The following WWOX variants were observed in gnomAD, a reference collection of about 807,000 sequenced individuals.
The protein encoded by WWOX is WW domain containing oxidoreductase.
WWOX carries 69 observed loss-of-function variants against 46.2 expected under a neutral mutation model. The observed-to-expected ratio is 1.49, with a 90% CI of 1.23 to 1.82. The LOEUF is 1.82. Ranked by LOEUF, WWOX falls within the 40% of genes most tolerant of loss-of-function variation. The probability of loss-of-function intolerance (pLI) is 0.00; values close to 1 mark genes in which losing one functional copy is unlikely to be tolerated. For missense variants in WWOX, 919 were observed against 542.6 expected (o/e 1.69, Z -6.89); for synonymous variants, 359 against 202.6 (o/e 1.77, Z -6.56).
chr16:78,466,663 C>T (rs1490353264), intron 8 of WWOX, among the ~76,000 whole-genome samples: 3 of 152,058 alleles, frequency 2.0e-5, no homozygotes, highest in Non-Finnish European at 4.4e-5. Flanking sequence ...AACCCTGTCT[C>T]TACTATAAAC....
At chr16:78,558,207 T>C (rs1441822600) in intron 8 of WWOX, among the ~76,000 whole-genome samples, 1 of 152,168 alleles carries the variant, frequency 6.6e-6, no homozygotes, top group African/African-American at 2.4e-5. Context: ...TTCAGTGTTT[T>C]TGCCCTTCCG....
chr16:78,935,609 G>A (rs1427946744), intron 8 of WWOX, among the ~76,000 whole-genome samples: 1 of 143,834 alleles, frequency 7.0e-6, no homozygotes, highest in African/African-American at 2.6e-5. Flanking sequence ...CCTGTCGTGG[G>A]CTGGGGGGAG....
chr16:78,188,757 T>A (rs1187967821), intron 5 of WWOX, among the ~76,000 whole-genome samples: 1 of 152,110 alleles, frequency 6.6e-6, no homozygotes, highest in African/African-American at 2.4e-5. Context: ...TTAAGATCCT[T>A]CATGGCTACT....
intron 5 of WWOX, among the ~76,000 whole-genome samples, chr16:78,173,835 T>G (rs901519363): frequency 6.6e-6 from 1 of 152,240 alleles, no homozygotes; most frequent in Non-Finnish European, 1.5e-5. Flanking sequence ...CTTACAGTTC[T>G]AGAGGCTGGA....
At chr16:78,846,875 C>T (rs139164171) in intron 8 of WWOX, among the ~76,000 whole-genome samples, 12 of 152,284 alleles carry the variant, frequency 7.9e-5, no homozygotes, top group African/African-American at 2.6e-4. Flanking sequence ...AATTCTTCTA[C>T]ATGGAAGGCT....
chr16:78,894,784 A>G (rs975631741), intron 8 of WWOX, among the ~76,000 whole-genome samples: 1 of 152,198 alleles, frequency 6.6e-6, no homozygotes, highest in African/African-American at 2.4e-5. Context: ...GATGTTTATC[A>G]TATGAAGTTG....
intron 8 of WWOX, chr16:78,899,520 T>A (rs2044776209): frequency 6.6e-6 from 1 of 152,206 alleles, no homozygotes; most frequent in South Asian, 2.1e-4. Flanking sequence ...GTTATTATTT[T>A]AATATTACAG....
At chr16:78,877,666 C>G (rs1206916526) in intron 8 of WWOX, among the ~76,000 whole-genome samples, 4 of 152,124 alleles carry the variant, frequency 2.6e-5, no homozygotes, top group African/African-American at 9.7e-5. Context: ...TTCTCCTATT[C>G]TCTAGAAGAA....
At chr16:78,914,994 G>T (rs542470715) in intron 8 of WWOX, among the ~76,000 whole-genome samples, 40 of 151,816 alleles carry the variant, frequency 2.6e-4, no homozygotes, top group African/African-American at 9.7e-4. Context: ...GTATTAGGTG[G>T]TAAGATAGTG....
intron 8 of WWOX, among the ~76,000 whole-genome samples, chr16:78,649,819 G>A (rs2046925945): frequency 6.6e-6 from 1 of 152,150 alleles, no homozygotes; most frequent in Admixed American, 6.5e-5. Flanking sequence ...TGATTTTGCA[G>A]GTCTGATTGA....
intron 8 of WWOX, among the ~76,000 whole-genome samples, chr16:78,931,461 G>C (rs2045622660): frequency 6.6e-6 from 1 of 152,190 alleles, no homozygotes; most frequent in Admixed American, 6.5e-5. Flanking sequence ...ATACAACTCT[G>C]CATAGTCAGC....
At chr16:78,528,943 CT>C (rs148797777) in intron 8 of WWOX, among the ~76,000 whole-genome samples, 6,467 of 144,952 alleles carry the variant, frequency 0.045, 289 homozygotes, top group African/African-American at 0.12. Context: ...TTTTTCTTTT[CT>C]TTTCTTTCTT....
At chr16:79,036,621 C>T (rs1567505089) in intron 8 of WWOX, among the ~76,000 whole-genome samples, 2 of 152,192 alleles carry the variant, frequency 1.3e-5, no homozygotes, top group Non-Finnish European at 2.9e-5. Flanking sequence ...GGCTTACCAA[C>T]TCCATTCAAT....
chr16:79,114,330 C>A (rs1229535936), intron 8 of WWOX, among the ~76,000 whole-genome samples: 28 of 150,780 alleles, frequency 1.9e-4, no homozygotes, highest in Non-Finnish European at 1.6e-4. Flanking sequence ...TGACTGGTGT[C>A]TTTATTAGAG....
intron 5 of WWOX, among the ~76,000 whole-genome samples, chr16:78,337,294 A>C (rs34624886): frequency 2.6e-5 from 4 of 151,942 alleles, no homozygotes; most frequent in Non-Finnish European, 5.9e-5. Flanking sequence ...TTATAAGTAC[A>C]GTTGTAGATT....
At chr16:79,070,103 AT>A (rs770096260) in intron 8 of WWOX, among the ~76,000 whole-genome samples, 12 of 152,204 alleles carry the variant, frequency 7.9e-5, no homozygotes, top group Non-Finnish European at 1.6e-4. Flanking sequence ...TCATTCAAAG[AT>A]TGGGCAAATT....
rs191707947 is a variant in WWOX, at chr16:78,923,038, A to G, written c.1057-288570A>G. On this transcript the variant is annotated intron_variant, in intron 8 of 8. Transcript: ENST00000566780. ...CTCTTATTGCCCAGGCTGGAGTGCA[A>G]TGGCGCAATGTTGGTCCACCTCAAC... Among the ~76,000 whole-genome samples the G allele has an allele frequency of 1.4e-3, 201 of 144,274 alleles. 2 individuals carry two copies. The highest frequency in any genetic ancestry group is 8.5e-3 in the East Asian group (42 of 4,926). 94.6% of individuals were successfully genotyped at this position (144,274 alleles called of 152,430 possible). A position where few individuals can be genotyped will look rare whatever the true frequency, so the allele number is the denominator to read the frequency against.
chr16:78,466,620 A>G (rs184253666), intron 8 of WWOX, among the ~76,000 whole-genome samples: 299 of 152,172 alleles, frequency 2.0e-3, no homozygotes, highest in African/African-American at 6.6e-3. Flanking sequence ...ACTTGAGGTC[A>G]GGAGTTCGAG....
chr16:78,223,733 C>T (rs1353493316), intron 5 of WWOX, among the ~76,000 whole-genome samples: 1 of 151,938 alleles, frequency 6.6e-6, no homozygotes, highest in African/African-American at 2.4e-5. Flanking sequence ...AGTGTTGGAG[C>T]CCAGCTGAGT....
Sources: gnomAD v4.1 joint callset for allele counts (sites outside exome capture counted in the v4.1 genomes callset) on GRCh38, gnomAD v4.1.1 for gene constraint, MANE v1.5 for transcripts, NCBI Gene and HGNC (gene_info 2026-07-23, HGNC 2026-07-21) for gene names.